HOMER2: variants seen among roughly 807,000 people sequenced by gnomAD.
HOMER2 encodes homer scaffold protein 2.
A neutral mutation model predicts 47.0 loss-of-function variants in HOMER2; 27 were observed. The ratio of observed to expected loss-of-function variants is 0.57; its 90% CI spans 0.42 to 0.79. The LOEUF is 0.79. HOMER2 is among the 30% of genes least tolerant of loss of function. The pLI is 0.00. For synonymous variants in HOMER2, 161 were observed against 163.8 expected (o/e 0.98, Z 0.13); for missense variants, 443 against 435.0 (o/e 1.02, Z -0.16).
chr15:82,918,359 G>A (rs1055610189), intron 1 of HOMER2, among the ~76,000 whole-genome samples: 1 of 152,122 alleles, frequency 6.6e-6, no homozygotes, highest in African/African-American at 2.4e-5. Flanking sequence ...TCTAGAGCAG[G>A]CAGATGCTAT....
In HOMER2 at chr15:82,942,738, T is replaced by G. The variant is rs966020177; in HGVS notation, c.5+9793A>C. 4.6e-5 allele frequency among the ~76,000 whole-genome samples: 7 copies of G among 152,186 alleles called. No homozygotes were observed. In the East Asian group the frequency reaches 1.3e-3, roughly 29 times the overall value. ...GCACCTCCCTGTAAAAGCAACGAGT[T>G]GGCAGACCGGTTTTCTTGTTGATAT... On this transcript the variant is annotated intron_variant, in intron 1 of 8. Coordinates refer to ENST00000450735, the MANE Select transcript of HOMER2 (RefSeq NM_004839.4).
At chr15:82,954,332 C>G (rs946092695), upstream of HOMER2, among the ~76,000 whole-genome samples, 2 of 151,804 alleles carry the variant, frequency 1.3e-5, no homozygotes, top group Admixed American at 1.3e-4. Flanking sequence ...ACTCTGCTCA[C>G]CCAGGCTAGA....
chr15:82,892,973 T>A lies in HOMER2; in HGVS notation c.6-132A>T. Reference sequence around the variant, plus strand: ...AAACATACATATGCATGAAGACAATTAAAATAAAAGCAAAGAGAGAAGAAA... The same window carrying A: ...AAACATACATATGCATGAAGACAATAAAAATAAAAGCAAAGAGAGAAGAAA... On this transcript the variant is annotated intron_variant, in intron 1 of 8. Transcript: ENST00000450735. 1.5e-6 allele frequency: 1 copy of A among 655,466 alleles called. No individual in the cohort carries two copies. Among genetic ancestry groups the A allele is most frequent in the Non-Finnish European group, 2.3e-6 (1 of 444,340 alleles). 40.6% of individuals were successfully genotyped at this position (655,466 alleles called of 1,614,324 possible). A position where few individuals can be genotyped will look rare whatever the true frequency, so the allele number is the denominator to read the frequency against.
exon 2 of HOMER2, chr15:82,843,538 A>C (rs1232980128): frequency 1.3e-5 from 2 of 150,780 alleles, no homozygotes; most frequent in African/African-American, 4.9e-5. Context: ...AAAAAAAAGT[A>C]ACAGATAAAC....
exon 2 of HOMER2, chr15:82,842,224 G>C (rs188889245): frequency 1.3e-5 from 2 of 151,802 alleles, no homozygotes; most frequent in Non-Finnish European, 2.9e-5. Flanking sequence ...TAGTCCTCTT[G>C]TGTAAAATAT....
At chr15:82,930,765 C>A (rs1343536884) in intron 1 of HOMER2, among the ~76,000 whole-genome samples, 1 of 152,178 alleles carries the variant, frequency 6.6e-6, no homozygotes, top group Non-Finnish European at 1.5e-5. Flanking sequence ...GTGGCTCATG[C>A]CTGTAATCCA....
chr15:82,979,383 G>T (rs925749529), intron 1 of HOMER2, among the ~76,000 whole-genome samples: 3 of 152,052 alleles, frequency 2.0e-5, no homozygotes, highest in Non-Finnish European at 4.4e-5. Flanking sequence ...ATGGATCCAG[G>T]CCTAGATATA....
In HOMER2 at chr15:82,852,140, A is replaced by T. The variant is rs374398379; in HGVS notation, c.762+2T>A. On this transcript the variant is annotated splice_donor_variant, in intron 7 of 8. Transcript: ENST00000450735. LOFTEE classifies it high-confidence loss of function. ...GGCCCTGCTCGGAGCACCATTACTC[A>T]CTGTCTCCTTTTCTCGGAGCTCTGC... 2.5e-6 allele frequency: 4 copies of T among 1,608,492 alleles called. No homozygotes were observed. The highest frequency in any genetic ancestry group is 3.4e-6 in the Non-Finnish European group (4 of 1,175,220).
intron 3 of HOMER2, among the ~76,000 whole-genome samples, chr15:82,871,466 G>C (rs2052173393): frequency 6.6e-6 from 1 of 152,236 alleles, no homozygotes; most frequent in Non-Finnish European, 1.5e-5. Flanking sequence ...TGGAGGCCAA[G>C]TTCCTCTGTG....
At chr15:82,979,363 T>C (rs1157984380) in intron 1 of HOMER2, among the ~76,000 whole-genome samples, 1 of 152,142 alleles carries the variant, frequency 6.6e-6, no homozygotes, top group Non-Finnish European at 1.5e-5. Context: ...TAGGAATCAC[T>C]GAAAGGTAAA....
At chr15:82,985,263 C>A (rs1347254959) in intron 1 of HOMER2, among the ~76,000 whole-genome samples, 1 of 152,088 alleles carries the variant, frequency 6.6e-6, no homozygotes, top group Non-Finnish European at 1.5e-5. Context: ...CTTTAATCTA[C>A]AGGCAACAGA....
At chr15:82,917,562 G>A (rs145465003) in intron 1 of HOMER2, among the ~76,000 whole-genome samples, 35 of 152,332 alleles carry the variant, frequency 2.3e-4, no homozygotes, top group African/African-American at 8.2e-4. Context: ...ATCCGCCCCC[G>A]TGGGGACAGC....
At chr15:82,962,176 C>T (rs2054636146) in intron 1 of HOMER2, among the ~76,000 whole-genome samples, 2 of 151,460 alleles carry the variant, frequency 1.3e-5, no homozygotes, top group South Asian at 2.1e-4. Flanking sequence ...CGAGACCATC[C>T]TGGCTAACAC....
intron 1 of HOMER2, among the ~76,000 whole-genome samples, chr15:82,934,809 C>A (rs909906334): frequency 5.9e-5 from 9 of 152,236 alleles, no homozygotes; most frequent in African/African-American, 2.2e-4. Flanking sequence ...TCTGCAGTGG[C>A]CGACAGGCCT....
At chr15:82,984,157 C>A (rs934468633) in intron 1 of HOMER2, among the ~76,000 whole-genome samples, 1 of 151,908 alleles carries the variant, frequency 6.6e-6, no homozygotes, top group African/African-American at 2.4e-5. Flanking sequence ...CTCAGCCTCC[C>A]GAGTAGCTAG....
chr15:82,876,920 G>T (rs1354145331), intron 2 of HOMER2, among the ~76,000 whole-genome samples: 1 of 152,140 alleles, frequency 6.6e-6, no homozygotes, highest in African/African-American at 2.4e-5. Context: ...AAGTATCATT[G>T]CTCTTGCTAG....
At chr15:82,850,144 C>T (rs1376866734) in intron 8 of HOMER2, among the ~76,000 whole-genome samples, 1 of 152,244 alleles carries the variant, frequency 6.6e-6, no homozygotes, top group Non-Finnish European at 1.5e-5. Context: ...GACCAACACC[C>T]AGCCTGAAAA....
intron 1 of HOMER2, among the ~76,000 whole-genome samples, chr15:82,979,301 G>A (rs1424730481): frequency 1.3e-5 from 2 of 152,114 alleles, no homozygotes; most frequent in Non-Finnish European, 1.5e-5. Context: ...GTTGAATCTC[G>A]ATCAGCTGCA....
At chr15:82,937,430 T>C (rs1398271221) in intron 1 of HOMER2, among the ~76,000 whole-genome samples, 1 of 152,166 alleles carries the variant, frequency 6.6e-6, no homozygotes, top group East Asian at 1.9e-4. Context: ...CTGAGTTCCA[T>C]GAGACACACG....
Sources: gnomAD v4.1 joint callset for allele counts (sites outside exome capture counted in the v4.1 genomes callset) on GRCh38, gnomAD v4.1.1 for gene constraint, MANE v1.5 for transcripts, NCBI Gene and HGNC (gene_info 2026-07-23, HGNC 2026-07-21) for gene names.